Variants in FBXL2 observed in about 807,000 individuals in gnomAD.
FBXL2 encodes F-box/LRR-repeat protein 2.
A neutral mutation model predicts 69.2 loss-of-function variants in FBXL2; 38 were observed. The observed-to-expected ratio is 0.55, with a 90% CI of 0.42 to 0.72. FBXL2 has a LOEUF of 0.72. Among genes scored for constraint, FBXL2 ranks in the 30% least tolerant of loss-of-function variants. The pLI, the probability that FBXL2 is intolerant of heterozygous loss-of-function variation, is 0.00. For missense variants in FBXL2, 354 were observed against 520.3 expected (o/e 0.68, Z 3.11); for synonymous variants, 192 against 201.3 (o/e 0.95, Z 0.39).
chr3:33,373,000 G>A, intron 5 of FBXL2, 92 bp from the exon 6 acceptor site: 1 of 1,048,236 alleles, frequency 9.5e-7, no homozygotes, highest in Non-Finnish European at 1.5e-6. Flanking sequence ...TTAAGTTTGA[G>A]GGAGCGCTGT....
chr3:33,396,330 C>T (rs1344277510), intron 12 of FBXL2: 9 of 1,379,884 alleles, frequency 6.5e-6, no homozygotes, highest in African/African-American at 1.4e-5. Flanking sequence ...AGCTGCCTTA[C>T]ACATGTACAA....
chr3:33,305,072 T>C (rs1229411483), intron 2 of FBXL2, among the ~76,000 whole-genome samples: 1 of 152,018 alleles, frequency 6.6e-6, no homozygotes. Flanking sequence ...TTATCCCATC[T>C]TCTAACTTGT....
intron 5 of FBXL2, among the ~76,000 whole-genome samples, chr3:33,370,375 A>ATG (rs1328360811): frequency 3.4e-5 from 5 of 149,234 alleles, no homozygotes; most frequent in Non-Finnish European, 7.4e-5. Flanking sequence ...CCGAGATTGC[A>ATG]CCACTGCACT....
At chr3:33,377,811 A>G (rs1189562304) in intron 11 of FBXL2, among the ~76,000 whole-genome samples, 1 of 152,142 alleles carries the variant, frequency 6.6e-6, no homozygotes, top group Non-Finnish European at 1.5e-5. Flanking sequence ...GCTATGGCTA[A>G]AATTTACCTG....
intron 1 of FBXL2, chr3:33,289,638 A>G (rs1422491282): frequency 2.7e-6 from 1 of 373,460 alleles, no homozygotes; most frequent in Non-Finnish European, 3.7e-6. Flanking sequence ...CTGACTGCAC[A>G]TAGGCTGGAG....
chr3:33,384,622 G>A (rs1415346652), intron 14 of FBXL2, among the ~76,000 whole-genome samples: 1 of 152,128 alleles, frequency 6.6e-6, no homozygotes, highest in African/African-American at 2.4e-5. Context: ...AACTGATCTG[G>A]TACAATAGTG....
chr3:33,347,089 C>T (rs540388344), intron 2 of FBXL2, among the ~76,000 whole-genome samples: 2 of 152,258 alleles, frequency 1.3e-5, no homozygotes, highest in South Asian at 2.1e-4. Flanking sequence ...TACCCATTAA[C>T]CATCCCTATG....
chr3:33,396,726 T>TA (rs1273757836), intron 12 of FBXL2: 2 of 542,474 alleles, frequency 3.7e-6, no homozygotes, highest in Non-Finnish European at 7.0e-6. Flanking sequence ...TTGAAAACCA[T>TA]AGATTCTGTA....
intron 2 of FBXL2, among the ~76,000 whole-genome samples, chr3:33,298,696 CAAAAA>C (rs1158732530): frequency 2.1e-5 from 1 of 47,272 alleles, no homozygotes; most frequent in African/African-American, 7.9e-5. Context: ...AACTCTGTCT[CAAAAA>C]AAAAAAAAAA....
chr3:33,392,881 A>G, downstream of FBXL2: 1 of 392,956 alleles, frequency 2.5e-6, no homozygotes, highest in Non-Finnish European at 4.5e-6. Flanking sequence ...CCAGTGGATG[A>G]TGACTCGAAC....
chr3:33,290,354 A>G lies in FBXL2; in HGVS notation c.4-7310A>G, dbSNP rs560092532. On this transcript the variant is annotated intron_variant, in intron 1 of 14. Transcript: ENST00000484457. ...AAGGAACTTTCCTTTATGGAGATAA[A>G]TTAATGTTCTTTTATACGCAGTATC... 2.0e-5 allele frequency among the ~76,000 whole-genome samples: 3 copies of G among 152,342 alleles called. No individual in the cohort carries two copies. The South Asian group carries it at 6.2e-4, about 32-fold the overall frequency.
intron 13 of FBXL2, chr3:33,382,999 GCT>G (rs1300662231): frequency 6.6e-6 from 1 of 152,158 alleles, no homozygotes; most frequent in Non-Finnish European, 1.5e-5. Flanking sequence ...CAAACTCTTT[GCT>G]CTCTTTCCTA....
intron 2 of FBXL2, among the ~76,000 whole-genome samples, chr3:33,348,669 A>G (rs1265347462): frequency 6.6e-6 from 1 of 152,158 alleles, no homozygotes; most frequent in Non-Finnish European, 1.5e-5. Flanking sequence ...GTGAACTGAG[A>G]TCGCACCACT....
At position 33,394,085 on chromosome 3, in the gene FBXL2, C is replaced by G. The variant is rs1203839145; in HGVS notation, n.1214+8357C>G. On this transcript the variant is annotated intron_variant and non_coding_transcript_variant, in intron 12 of 12. Transcript: ENST00000463736. ...AGGCTGGAGTGCAGTGACACAATCA[C>G]AGCTCACTGTAGCCTCTGCCTCCCA... Among the ~76,000 whole-genome samples the G allele has an allele frequency of 1.3e-5, 2 of 151,666 alleles. 1 individual carries two copies. The highest frequency in any genetic ancestry group is 1.3e-4 in the Admixed American group (2 of 15,184).
intron 12 of FBXL2, among the ~76,000 whole-genome samples, chr3:33,395,502 C>T (rs61536275): frequency 6.6e-6 from 1 of 151,910 alleles, no homozygotes; most frequent in East Asian, 1.9e-4. Flanking sequence ...CCAAGATTAT[C>T]TCTGTCCTAA....
chr3:33,385,693 A>T lies in FBXL2; in HGVS notation c.*85A>T, dbSNP rs903895078. On this transcript the variant is annotated 3_prime_UTR_variant, in exon 15 of 15. Coordinates refer to ENST00000484457, the MANE Select transcript of FBXL2 (RefSeq NM_012157.5). The stretch of plus-strand genomic sequence containing the variant: ...TTCCTGACCGACTCCACCATCACCC[A>T]ATCTGTTGATTCTCCATTGGGAAAG... The T allele has an allele frequency of 8.5e-6, 9 of 1,057,494 alleles. No individual in the cohort carries two copies. The African/African-American group carries it at 1.4e-4, about 17-fold the overall frequency. 65.5% of individuals were successfully genotyped at this position (1,057,494 alleles called of 1,614,324 possible). A position where few individuals can be genotyped will look rare whatever the true frequency, so the allele number is the denominator to read the frequency against.
intron 5 of FBXL2, among the ~76,000 whole-genome samples, chr3:33,365,220 C>T (rs1448535559): frequency 1.3e-5 from 2 of 151,718 alleles, no homozygotes; most frequent in Non-Finnish European, 2.9e-5. Flanking sequence ...TTACAGTTAG[C>T]AATATATCCT....
At chr3:33,390,652 C>T (rs2043724702), downstream of FBXL2, 1 of 486,694 alleles carries the variant, frequency 2.1e-6, no homozygotes, top group African/African-American at 1.9e-5. Flanking sequence ...TATCAAGACA[C>T]ACAATAATAG....
intron 13 of FBXL2, among the ~76,000 whole-genome samples, chr3:33,379,506 C>T (rs377237422): frequency 4.0e-5 from 6 of 151,012 alleles, no homozygotes; most frequent in African/African-American, 1.5e-4. Flanking sequence ...AGGCGTGCAC[C>T]ACCACGCCCA....
Sources: allele counts gnomAD v4.1 joint callset (sites outside exome capture counted in the v4.1 genomes callset), GRCh38; gene constraint gnomAD v4.1.1; transcripts MANE v1.5; gene names NCBI Gene and HGNC (gene_info 2026-07-23, HGNC 2026-07-21).